The following TEKT5 variants were observed in gnomAD, a reference collection of about 807,000 sequenced individuals.
TEKT5 encodes tektin-5.
TEKT5 carries 52 observed loss-of-function variants against 48.7 expected under a neutral mutation model. That is an observed-to-expected ratio of 1.07 (90% CI 0.86 to 1.35). TEKT5 has a LOEUF of 1.35. Ranked by LOEUF, TEKT5 falls within the 40% of genes most tolerant of loss-of-function variation. TEKT5 has a pLI of 0.00. For synonymous variants in TEKT5, 318 were observed against 267.6 expected (o/e 1.19, Z -1.84); for missense variants, 831 against 641.6 (o/e 1.30, Z -3.19).
chr16:10,636,360 A>G (rs1372300896), intron 5 of TEKT5, among the ~76,000 whole-genome samples: 7 of 146,154 alleles, frequency 4.8e-5, no homozygotes, highest in Admixed American at 1.4e-4. Flanking sequence ...GGGGGACAAG[A>G]GCGAGACTTT....
chr16:10,638,820 A>G (rs1897951154), intron 5 of TEKT5, among the ~76,000 whole-genome samples: 1 of 152,236 alleles, frequency 6.6e-6, no homozygotes, highest in Non-Finnish European at 1.5e-5. Context: ...CCTTACTTGA[A>G]AGATTCATCA....
intron 5 of TEKT5, among the ~76,000 whole-genome samples, chr16:10,646,342 C>T (rs1174829749): frequency 6.6e-6 from 1 of 152,088 alleles, no homozygotes; most frequent in African/African-American, 2.4e-5. Context: ...GAACAACCTG[C>T]CCTACAAATT....
At chr16:10,634,527 C>T (rs933879155) in intron 6 of TEKT5, among the ~76,000 whole-genome samples, 1 of 152,168 alleles carries the variant, frequency 6.6e-6, no homozygotes, top group Non-Finnish European at 1.5e-5. Flanking sequence ...CCTGTTAGTG[C>T]CCATAGGAGG....
intron 5 of TEKT5, among the ~76,000 whole-genome samples, chr16:10,645,075 G>A (rs992867353): frequency 6.6e-6 from 1 of 152,134 alleles, no homozygotes; most frequent in Admixed American, 6.5e-5. Context: ...CCCTGACCTT[G>A]GACTTTTAGC....
In TEKT5 at chr16:10,691,066, A is replaced by G. The variant is rs1049149576; in HGVS notation, c.565-1041T>C. On this transcript the variant is annotated intron_variant, in intron 1 of 6. Transcript: ENST00000283025. The stretch of plus-strand genomic sequence containing the variant: ...CATAAGAAACTCAGTCAGGCTGGGC[A>G]CAGCGCCTCCTTCATGCCTTTAATC... Among the ~76,000 whole-genome samples, 6 of 152,366 alleles carry G rather than the reference A, an allele frequency of 3.9e-5. 1 individual carries two copies. Among genetic ancestry groups the G allele is most frequent in the South Asian group, 4.1e-4 (2 of 4,834 alleles).
chr16:10,685,022 G>A (rs1324235218), intron 3 of TEKT5, among the ~76,000 whole-genome samples: 1 of 152,250 alleles, frequency 6.6e-6, no homozygotes, highest in Non-Finnish European at 1.5e-5. Flanking sequence ...ATGAGGCTCT[G>A]GCTGGCTCTC....
rs1388741152 is a variant in TEKT5, at chr16:10,627,591, G to A, written c.1450C>T (p.His484Tyr). ...TFPCTPRLVGHT is the reference protein window; with the variant it reads ...TFPCTPRLVGYT ...AGGCGCCAGGGCGGTGCTCAGGTGTGGCCCACCAGGCGCGGGGTGCAGGGG... is the reference window on the plus strand; with the variant it reads ...AGGCGCCAGGGCGGTGCTCAGGTGTAGCCCACCAGGCGCGGGGTGCAGGGG... The change falls in exon 7 of 7, where the codon CAC becomes TAC. Residue 484 changes from histidine to tyrosine, a missense_variant. Transcript: ENST00000283025. 3.1e-6 allele frequency: 5 copies of A among 1,614,116 alleles called. No individual in the cohort carries two copies. The highest frequency in any genetic ancestry group is 4.2e-6 in the Non-Finnish European group (5 of 1,179,962).
Position 10,694,397 on chromosome 16 carries a change from C to G in TEKT5, c.477G>C (p.Leu159=). 7 of 1,614,134 alleles carry G rather than the reference C, an allele frequency of 4.3e-6. No individual in the cohort carries two copies. Among genetic ancestry groups the G allele is most frequent in the Non-Finnish European group, 5.9e-6 (7 of 1,180,024 alleles). ...GFWKSELSYE[L]DRLLTENQNL... ...TCTGGTTCTCAGTCAGAAGCCTGTC[C>G]AGCTCATAGCTCAGCTCTGACTTCC... is the stretch of plus-strand genomic sequence containing the variant. Residue 159 remains leucine, a synonymous_variant, in exon 1 of 7, where the codon CTG becomes CTC. Transcript: ENST00000283025.
chr16:10,669,792 G>A (rs1287436191), intron 5 of TEKT5, among the ~76,000 whole-genome samples: 2 of 152,038 alleles, frequency 1.3e-5, no homozygotes, highest in Admixed American at 1.3e-4. Context: ...GTAAATGAGG[G>A]GTTGTTTTTC....
chr16:10,647,706 A>T (rs1238399537), intron 5 of TEKT5, among the ~76,000 whole-genome samples: 1 of 152,208 alleles, frequency 6.6e-6, no homozygotes, highest in African/African-American at 2.4e-5. Context: ...TGGGGACCTG[A>T]AACTTTACAA....
chr16:10,630,258 C>T (rs973511419), intron 6 of TEKT5, among the ~76,000 whole-genome samples: 1 of 150,654 alleles, frequency 6.6e-6, no homozygotes, highest in Admixed American at 6.6e-5. Flanking sequence ...TTTTTTTAGA[C>T]CAGATCTCCC....
At position 10,694,923 on chromosome 16, in the gene TEKT5, G is replaced by T; in HGVS notation, c.-50C>A. On this transcript the variant is annotated 5_prime_UTR_variant, in exon 1 of 7. Transcript: ENST00000283025. ...CAAAACTCAGCTCAAGGAGCCAAAG[G>T]CATCACCAGGAAAGGTGAAAGTGCT... The T allele has an allele frequency of 6.7e-7, 1 of 1,487,274 alleles. No individual in the cohort carries two copies. The highest frequency in any genetic ancestry group is 8.9e-7 in the Non-Finnish European group (1 of 1,119,232). 92.1% of individuals were successfully genotyped at this position (1,487,274 alleles called of 1,614,324 possible). A position where few individuals can be genotyped will look rare whatever the true frequency, so the allele number is the denominator to read the frequency against.
In TEKT5 at chr16:10,694,340, G is replaced by A. The variant is rs141751547; in HGVS notation, c.534C>T (p.Cys178=). ...ATGGGCAGTTCACCTCATTGGCCGC[G>A]CACTCCAGCCGCCTCTTGACCGTCT... The part of the protein sequence containing the change: ...NLETVKRRLE[C]AANEVNCPLQ... Residue 178 remains cysteine, a synonymous_variant, in exon 1 of 7, where the codon TGC becomes TGT. Coordinates refer to ENST00000283025, the MANE Select transcript of TEKT5 (RefSeq NM_144674.2). 355 of 1,608,954 alleles carry A rather than the reference G, an allele frequency of 2.2e-4. No individual in the cohort carries two copies. Among genetic ancestry groups the A allele is most frequent in the East Asian group, 8.0e-4 (36 of 44,858 alleles).
At chr16:10,633,367 A>C (rs1363677930) in intron 6 of TEKT5, among the ~76,000 whole-genome samples, 2 of 151,802 alleles carry the variant, frequency 1.3e-5, no homozygotes, top group African/African-American at 4.8e-5. Flanking sequence ...TTAAAAAAAA[A>C]CTCTCGTTGG....
At chr16:10,641,849 A>G (rs1218240522) in intron 5 of TEKT5, among the ~76,000 whole-genome samples, 2 of 152,198 alleles carry the variant, frequency 1.3e-5, no homozygotes, top group African/African-American at 2.4e-5. Flanking sequence ...TGAAAGGAGG[A>G]GAAAGGGATC....
At chr16:10,642,293 C>A (rs1189213844) in intron 5 of TEKT5, among the ~76,000 whole-genome samples, 3 of 152,172 alleles carry the variant, frequency 2.0e-5, no homozygotes, top group Non-Finnish European at 4.4e-5. Context: ...AGCCCATAGT[C>A]CAACCACCTC....
chr16:10,684,985 G>A (rs1303825398), intron 3 of TEKT5, among the ~76,000 whole-genome samples: 2 of 152,230 alleles, frequency 1.3e-5, no homozygotes, highest in East Asian at 3.8e-4. Flanking sequence ...CCAAGGGGGT[G>A]AGGACACACC....
chr16:10,664,213 C>A (rs1436639726), intron 5 of TEKT5, among the ~76,000 whole-genome samples: 5 of 152,174 alleles, frequency 3.3e-5, no homozygotes. Context: ...ACTGTTGAAT[C>A]CCCAGCGCCT....
intron 5 of TEKT5, among the ~76,000 whole-genome samples, chr16:10,651,563 G>C (rs1898156193): frequency 6.6e-6 from 1 of 152,178 alleles, no homozygotes; most frequent in African/African-American, 2.4e-5. Flanking sequence ...TTGTGTGCCA[G>C]GCACTTTTCC....
Sources: allele counts gnomAD v4.1 joint callset (sites outside exome capture counted in the v4.1 genomes callset), GRCh38; gene constraint gnomAD v4.1.1; transcripts MANE v1.5; gene names NCBI Gene and HGNC (gene_info 2026-07-23, HGNC 2026-07-21).